Variants in CAPN14 observed in about 807,000 individuals in gnomAD.
The protein encoded by CAPN14 is calpain-14.
CAPN14 carries 94 observed loss-of-function variants against 101.3 expected under a neutral mutation model. The ratio of observed to expected loss-of-function variants is 0.93; its 90% CI spans 0.79 to 1.10. CAPN14 has a LOEUF of 1.10. CAPN14 is among the 50% of genes least tolerant of loss of function. CAPN14 has a pLI of 0.00. For missense variants in CAPN14, 837 were observed against 828.4 expected (o/e 1.01, Z -0.13); for synonymous variants, 338 against 317.9 (o/e 1.06, Z -0.67).
At chr2:31,181,999 T>C (rs1246378155) in intron 16 of CAPN14, among the ~76,000 whole-genome samples, 2 of 152,042 alleles carry the variant, frequency 1.3e-5, no homozygotes, top group Non-Finnish European at 2.9e-5. Context: ...GCATGTGTCT[T>C]TATAGCAGCA....
chr2:31,176,934 G>A (rs774638282), intron 20 of CAPN14, 92 bp downstream of exon 20: 26 of 939,218 alleles, frequency 2.8e-5, no homozygotes, highest in Admixed American at 6.6e-5. Flanking sequence ...TGGGATGGCG[G>A]CTGTCCTCCC....
At position 31,174,085 on chromosome 2, in the gene CAPN14, T is replaced by C. The variant is rs1198201690; in HGVS notation, c.*596A>G. 1 of 153,534 alleles carries C rather than the reference T, an allele frequency of 6.5e-6. No homozygotes were observed. The highest frequency in any genetic ancestry group is 6.5e-5 in the Admixed American group (1 of 15,466). 9.5% of individuals were successfully genotyped at this position (153,534 alleles called of 1,614,324 possible). On this transcript the variant is annotated 3_prime_UTR_variant, in exon 22 of 22. Transcript: ENST00000403897. ...ATATTGTCAGAAGAAGACTACCCCA[T>C]GACCTCAGATGCCAGAGCCAGCCCA...
intron 2 of CAPN14, 91 bp downstream of exon 2, chr2:31,205,132 C>T (rs1435156292): frequency 1.8e-6 from 2 of 1,107,250 alleles, no homozygotes; most frequent in African/African-American, 1.6e-5. Context: ...TAGGAAAAAG[C>T]CTGTTTTTTT....
chr2:31,192,462 C>T (rs1022425876), intron 10 of CAPN14, among the ~76,000 whole-genome samples: 4 of 152,182 alleles, frequency 2.6e-5, no homozygotes, highest in African/African-American at 9.7e-5. Flanking sequence ...AGACGCAAAA[C>T]CTTACCTTAA....
rs2148688154 is a variant in CAPN14, at chr2:31,199,518, C to T, written c.741G>A (p.Glu247=). Residue 247 remains glutamate, a synonymous_variant, in exon 7 of 22, where the codon GAG becomes GAA. Coordinates refer to ENST00000403897, the MANE Select transcript of CAPN14 (RefSeq NM_001145122.2). ...CQTHSGEKIL[E]NGLVEGHAYT... ...AGGCATGGCCTTCCACCAGCCCATT[C>T]TCCAGAATCTTCTCCTGCAGAGACA... The T allele has an allele frequency of 2.6e-6, 4 of 1,551,538 alleles. No homozygotes were observed. The highest frequency in any genetic ancestry group is 1.2e-5 in the South Asian group (1 of 84,042).
In CAPN14 at chr2:31,175,630, A is replaced by G. The variant is rs564870043; in HGVS notation, c.2029-923T>C. ...CTAAGCAGTCCAGGGATAGGCCCTG[A>G]AAATTCTGGCCATTGGCCCTCCAGT... On this transcript the variant is annotated intron_variant, in intron 21 of 21. Transcript: ENST00000403897. Among the ~76,000 whole-genome samples the G allele has an allele frequency of 2.0e-5, 3 of 152,356 alleles. No homozygotes were observed. The South Asian group carries it at 6.2e-4, about 32-fold the overall frequency.
intron 1 of CAPN14, among the ~76,000 whole-genome samples, chr2:31,232,726 C>T (rs1370909899): frequency 6.6e-6 from 1 of 152,174 alleles, no homozygotes; most frequent in Non-Finnish European, 1.5e-5. Flanking sequence ...CTCCCACCAG[C>T]TCTCTCCCTA....
At chr2:31,200,770 T>C (rs1681718347) in intron 5 of CAPN14, 145 bp from the exon 6 acceptor site, 1 of 725,700 alleles carries the variant, frequency 1.4e-6, no homozygotes, top group South Asian at 2.1e-5. Context: ...TAGTTTCCAA[T>C]ACCATACCCA....
intron 1 of CAPN14, among the ~76,000 whole-genome samples, chr2:31,214,502 A>G (rs575789457): frequency 1.3e-5 from 2 of 152,186 alleles, no homozygotes; most frequent in African/African-American, 4.8e-5. Flanking sequence ...GACCTAAAAG[A>G]AAAAACAAGT....
At position 31,205,386 on chromosome 2, in the gene CAPN14, G is replaced by A. The variant is rs776946222; in HGVS notation, c.62C>T (p.Ala21Val). ...GTCCTGTTGGGGTTGCTGTGGAGACGCCCTCCTAGAGTACCTTGGCGCCAG... is the reference window on the plus strand; with the variant it reads ...GTCCTGTTGGGGTTGCTGTGGAGACACCCTCCTAGAGTACCTTGGCGCCAG... ...WKLAPRYSRR[A>V]SPQQPQQDFE... The change falls in exon 2 of 22, where the codon GCG becomes GTG. Residue 21 changes from alanine (A) to valine (V), a missense_variant. Physicochemically the swap from Ala to Val is moderately conservative, Grantham distance 64. Transcript: ENST00000403897. 2.1e-5 allele frequency: 32 copies of A among 1,551,386 alleles called. No homozygotes were observed. Among genetic ancestry groups the A allele is most frequent in the East Asian group, 4.9e-5 (2 of 40,922 alleles).
chr2:31,189,210 G>A, intron 13 of CAPN14, 63 bp downstream of exon 13: 1 of 1,416,954 alleles, frequency 7.1e-7, no homozygotes, highest in Non-Finnish European at 9.7e-7. Context: ...TTCCAACCTT[G>A]CCCTCCTTGC....
At chr2:31,178,474 C>A in intron 18 of CAPN14, 37 bp downstream of exon 18, 1 of 1,496,640 alleles carries the variant, frequency 6.7e-7, no homozygotes, top group Non-Finnish European at 9.1e-7. Flanking sequence ...ATTCCTACAC[C>A]ATCTTCCAAA....
rs111744295 is a variant in CAPN14, at chr2:31,182,084, C to T, written c.1646-1084G>A. 9.0e-3 allele frequency among the ~76,000 whole-genome samples: 1,364 copies of T among 152,180 alleles called. 27 individuals carry two copies. Among genetic ancestry groups the T allele is most frequent in the African/African-American group, 0.031 (1,274 of 41,524 alleles). The stretch of plus-strand genomic sequence containing the variant: ...AATGGTATTTCTAGTTCTAGATCCC[C>T]GAGGATTCGCCACACTGACTTCCAC... On this transcript the variant is annotated intron_variant, in intron 16 of 21. Transcript: ENST00000403897.
intron 2 of CAPN14, among the ~76,000 whole-genome samples, chr2:31,224,396 G>A (rs536195343): frequency 6.6e-6 from 1 of 152,006 alleles, no homozygotes; most frequent in East Asian, 1.9e-4. Context: ...CCAGCCAAAA[G>A]GAAAAAATAA....
At chr2:31,178,340 C>G (rs1680414461) in intron 18 of CAPN14, among the ~76,000 whole-genome samples, 171 bp downstream of exon 18, 2 of 152,182 alleles carry the variant, frequency 1.3e-5, no homozygotes, top group South Asian at 4.1e-4. Context: ...GCAACCAGCT[C>G]TCTGAGTTTG....
chr2:31,178,386 G>A (rs1164242625), intron 18 of CAPN14, 125 bp downstream of exon 18: 21 of 727,374 alleles, frequency 2.9e-5, no homozygotes, highest in Non-Finnish European at 2.1e-5. Context: ...ACCGAAGGGA[G>A]AATAGAGAAG....
Position 31,205,509 on chromosome 2 carries a change from A to T in CAPN14, c.-52-10T>A. The T allele has an allele frequency of 7.4e-7, 1 of 1,343,248 alleles. No individual in the cohort carries two copies. Among genetic ancestry groups the T allele is most frequent in the South Asian group, 1.3e-5 (1 of 79,482 alleles). The allele number at this position is 1,343,248 out of a possible 1,614,324, so 83.2% of individuals were successfully genotyped here. A position where few individuals can be genotyped will look rare whatever the true frequency, so the allele number is the denominator to read the frequency against. The stretch of plus-strand genomic sequence containing the variant: ...GGAGTCTCTGCTGCTCCTGAAATGG[A>T]GAGAGGACGGTCAGTTTCCTCACTT... On this transcript the variant is annotated splice_polypyrimidine_tract_variant and intron_variant, in intron 1 of 21. Transcript: ENST00000403897.
At chr2:31,185,048 C>T (rs1266639664) in intron 16 of CAPN14, among the ~76,000 whole-genome samples, 1 of 152,182 alleles carries the variant, frequency 6.6e-6, no homozygotes, top group African/African-American at 2.4e-5. Context: ...TTGGTTTGGG[C>T]ACAGCTTGTT....
At chr2:31,175,007 C>G (rs1680222520) in intron 21 of CAPN14, among the ~76,000 whole-genome samples, 1 of 152,136 alleles carries the variant, frequency 6.6e-6, no homozygotes, top group Non-Finnish European at 1.5e-5. Context: ...GGTGTGCAAA[C>G]TGGCAGGGTA....
Sources: allele counts gnomAD v4.1 joint callset (sites outside exome capture counted in the v4.1 genomes callset), GRCh38; gene constraint gnomAD v4.1.1; transcripts MANE v1.5; gene names NCBI Gene and HGNC (gene_info 2026-07-23, HGNC 2026-07-21).